The following CDKL5 variants were observed in gnomAD, a reference collection of about 807,000 sequenced individuals.
CDKL5 encodes the protein cyclin dependent kinase like 5, also known as cyclin-dependent kinase-like 5.
In CDKL5, 8 loss-of-function variants were observed where a neutral mutation model predicts 61.7. That is an observed-to-expected ratio of 0.13 (90% CI 0.08 to 0.23). The LOEUF (loss-of-function observed/expected upper bound fraction) is 0.23, where lower values mean the gene tolerates loss of function less well. CDKL5 is among the 10% of genes least tolerant of loss of function. CDKL5 has a pLI of 1.00. For missense variants in CDKL5, 440 were observed against 734.5 expected, an observed-to-expected ratio of 0.60 and a Z score of 4.63; for synonymous variants, 275 against 272.3, an observed-to-expected ratio of 1.01 and a Z score of -0.10.
At chrX:18,480,653 T>TA (rs1418085806) in intron 1 of CDKL5, among the ~76,000 whole-genome samples, 2 of 111,225 alleles carry the variant, frequency 1.8e-5, no homozygotes, top group Non-Finnish European at 3.8e-5. Flanking sequence ...TTTACTTATT[T>TA]AAAAAATCAT....
intron 3 of CDKL5, among the ~76,000 whole-genome samples, chrX:18,524,909 C>G (rs777033868): frequency 1.8e-5 from 2 of 110,888 alleles, no homozygotes; most frequent in East Asian, 5.6e-4. Context: ...GTAATTGTGT[C>G]GAGTCTATTT....
At chrX:18,454,885 AGT>A (rs1932106889) in intron 1 of CDKL5, among the ~76,000 whole-genome samples, 1 of 101,767 alleles carries the variant, frequency 9.8e-6, no homozygotes, top group South Asian at 4.5e-4. Context: ...ATAGTTCTCA[AGT>A]GTATTTTTTT....
chrX:18,631,004 G>A lies in CDKL5; in HGVS notation c.*2247G>A. 4 of 749,680 alleles carry A rather than the reference G, an allele frequency of 5.3e-6. No individual in the cohort carries two copies. The highest frequency in any genetic ancestry group is 6.3e-6 in the Non-Finnish European group (4 of 638,333). 61.8% of individuals were successfully genotyped at this position (749,680 alleles called of 1,213,427 possible). On this transcript the variant is annotated 3_prime_UTR_variant, in exon 18 of 18. Transcript: ENST00000623535. ...CCAGAAACTACACTTTTTTTCTCTG[G>A]AAAGACTTCTCACTGTGCTATGCGC...
At position 18,633,728 on chromosome X, in the gene CDKL5, G is replaced by A. The variant is rs1392730734; in HGVS notation, c.*4971G>A. On this transcript the variant is annotated 3_prime_UTR_variant, in exon 18 of 18. Transcript: ENST00000623535. ...TTTTTTCTTTGTGAATTGAATGTAC[G>A]ATACAAATGGTAGGCCTTCATGTGA... is the stretch of plus-strand genomic sequence containing the variant. 3 of 751,209 alleles carry A rather than the reference G, an allele frequency of 4.0e-6. No individual in the cohort carries two copies. The highest frequency in any genetic ancestry group is 2.3e-5 in the African/African-American group (1 of 42,850). The allele number at this position is 751,209 out of a possible 1,213,427, so 61.9% of individuals were successfully genotyped here.
At chrX:18,468,622 T>G (rs1393230494) in intron 1 of CDKL5, among the ~76,000 whole-genome samples, 1 of 112,587 alleles carries the variant, frequency 8.9e-6, no homozygotes, top group African/African-American at 3.2e-5. Flanking sequence ...ACGGTAATTT[T>G]AAACACACCT....
chrX:18,454,768 C>G (rs1407870974), intron 1 of CDKL5, among the ~76,000 whole-genome samples: 1 of 110,363 alleles, frequency 9.1e-6, no homozygotes, highest in Non-Finnish European at 1.9e-5. Context: ...TTTGGCCAGG[C>G]TGGTCTTCTA....
intron 4 of CDKL5, among the ~76,000 whole-genome samples, chrX:18,567,656 AG>A (rs1290182594): frequency 3.6e-5 from 4 of 111,471 alleles, no homozygotes; most frequent in Non-Finnish European, 7.5e-5. Flanking sequence ...CCGAGGCAGG[AG>A]GATTGCTTGA....
chrX:18,570,661 A>G (rs1299576577), intron 4 of CDKL5, among the ~76,000 whole-genome samples: 2 of 111,938 alleles, frequency 1.8e-5, no homozygotes, highest in Admixed American at 1.9e-4. Context: ...AAAGTAGGTT[A>G]CAGCTATTCC....
At chrX:18,492,476 T>C (rs1261135522) in intron 1 of CDKL5, among the ~76,000 whole-genome samples, 1 of 111,432 alleles carries the variant, frequency 9.0e-6, no homozygotes, top group Non-Finnish European at 1.9e-5. Context: ...CAACCTTAAC[T>C]TGACAAATGG....
intron 9 of CDKL5, among the ~76,000 whole-genome samples, chrX:18,590,724 A>T (rs1271748881): frequency 8.9e-6 from 1 of 112,225 alleles, no homozygotes; most frequent in African/African-American, 3.2e-5. Context: ...GTGGTTCAGC[A>T]GGTTAGCTCA....
At position 18,628,717 on chromosome X, in the gene CDKL5, G is replaced by A. The variant is rs969791011; in HGVS notation, c.2843G>A (p.Arg948Gln). Residue 948 changes from arginine (R) to glutamine (Q), a missense_variant, in exon 18 of 18, where the codon CGA (arginine) becomes CAA (glutamine). By Grantham distance (43) the Arg-to-Gln change is conservative. Transcript: ENST00000623535. ...GHPYNRTNRS[R>Q]MPNLNDLKET... ...CCCTATAACAGAACAAATCGCTCAC[G>A]AATGCCAAATCTGAATGATTTAAAA... 1 of 1,076,901 alleles carries A rather than the reference G, an allele frequency of 9.3e-7. No individual in the cohort carries two copies. The highest frequency in any genetic ancestry group is 1.2e-6 in the Non-Finnish European group (1 of 822,098). The allele number at this position is 1,076,901 out of a possible 1,213,427, so 88.7% of individuals were successfully genotyped here.
intron 1 of CDKL5, chrX:18,442,054 A>G (rs1009130990): frequency 1.8e-5 from 2 of 111,448 alleles, no homozygotes; most frequent in African/African-American, 6.5e-5. Context: ...TAAGGGTAGA[A>G]GTAACCATTG....
At chrX:18,566,557 A>C (rs1169690300) in intron 4 of CDKL5, among the ~76,000 whole-genome samples, 4 of 112,284 alleles carry the variant, frequency 3.6e-5, no homozygotes, top group Admixed American at 9.5e-5. Context: ...TGTTAATGAT[A>C]CCTTTAGAGT....
intron 1 of CDKL5, among the ~76,000 whole-genome samples, chrX:18,440,909 G>A (rs1390770281): frequency 3.6e-5 from 4 of 111,529 alleles, no homozygotes; most frequent in Non-Finnish European, 7.5e-5. Context: ...AACCTTATTT[G>A]GAGAGCCAGC....
chrX:18,462,651 G>A (rs1385296347), intron 1 of CDKL5, among the ~76,000 whole-genome samples: 1 of 111,885 alleles, frequency 8.9e-6, no homozygotes, highest in Admixed American at 9.5e-5. Context: ...AACCGTTAGG[G>A]TGAAGGAAAG....
chrX:18,499,486 G>T (rs1358440864), intron 1 of CDKL5, among the ~76,000 whole-genome samples: 1 of 106,650 alleles, frequency 9.4e-6, no homozygotes, highest in Non-Finnish European at 1.9e-5. Flanking sequence ...TCAGCCTCCC[G>T]AGTAGCTGGG....
intron 12 of CDKL5, among the ~76,000 whole-genome samples, chrX:18,606,671 A>G: frequency 8.9e-6 from 1 of 112,513 alleles, no homozygotes; most frequent in Non-Finnish European, 1.9e-5. Context: ...CAGTGACCTC[A>G]GGAAAGAGGG....
chrX:18,535,783 G>A (rs1435903261), intron 3 of CDKL5: 2 of 122,744 alleles, frequency 1.6e-5, no homozygotes, highest in Admixed American at 1.6e-4. Context: ...TAAGGATCAT[G>A]TGAAGGATCA....
Position 18,604,507 on chromosome X carries a change from C to A in CDKL5, c.1583C>A (p.Thr528Asn). 5 of 1,211,700 alleles carry A rather than the reference C, an allele frequency of 4.1e-6. No individual in the cohort carries two copies. The highest frequency in any genetic ancestry group is 5.6e-6 in the Non-Finnish European group (5 of 895,499). ...PSSCLDLNSP[T>N]SPTPTRHSDT... Reference sequence around the variant, plus strand: ...AGCTGCTTAGACTTGAATTCTCCCACCAGCCCAACCCCCACCAGACACAGT... The same window carrying A: ...AGCTGCTTAGACTTGAATTCTCCCAACAGCCCAACCCCCACCAGACACAGT... Residue 528 changes from threonine to asparagine, a missense_variant, in exon 12 of 18, where the codon ACC becomes AAC. By Grantham distance (65) the Thr-to-Asn change is moderately conservative. This residue lies in a region of CDKL5 where 363 missense variants were observed against 516.3 expected (regional missense o/e 0.70). Transcript: ENST00000623535.
Sources: allele counts gnomAD v4.1 joint callset (sites outside exome capture counted in the v4.1 genomes callset), GRCh38; gene constraint gnomAD v4.1.1; regional missense constraint gnomAD v4.1.1; transcripts MANE v1.5; gene names NCBI Gene and HGNC (gene_info 2026-07-23, HGNC 2026-07-21).